MRAP2: variants seen among roughly 807,000 people sequenced by gnomAD.
The protein encoded by MRAP2 is melanocortin 2 receptor accessory protein 2, also known as melanocortin-2 receptor accessory protein 2.
In MRAP2, 20 loss-of-function variants were observed where a neutral mutation model predicts 17.4. That is an observed-to-expected ratio of 1.15 (90% CI 0.81 to 1.67). The LOEUF (loss-of-function observed/expected upper bound fraction) is 1.67. MRAP2 is among the 40% of genes most tolerant of loss of function. The pLI is 0.00. For synonymous variants in MRAP2, 96 were observed against 88.4 expected (o/e 1.09, Z -0.48); for missense variants, 238 against 240.0 (o/e 0.99, Z 0.05).
chr6:84,138,092 A>C, the MRAP2 span, among the ~76,000 whole-genome samples: 1 of 152,210 alleles, frequency 6.6e-6, no homozygotes, highest in African/African-American at 2.4e-5. Flanking sequence ...GGCCTATAAA[A>C]TGTTAAAAAC....
intron 3 of MRAP2, among the ~76,000 whole-genome samples, chr6:84,070,537 TC>T (rs1160603394): frequency 1.3e-5 from 2 of 152,194 alleles, no homozygotes; most frequent in East Asian, 1.9e-4. Flanking sequence ...TGGAGAAAGT[TC>T]CATCCACTGT....
At chr6:84,078,610 G>A (rs1588655631) in intron 3 of MRAP2, among the ~76,000 whole-genome samples, 1 of 152,274 alleles carries the variant, frequency 6.6e-6, no homozygotes, top group East Asian at 1.9e-4. Flanking sequence ...TGGGTTATAG[G>A]GGTGGATCCC....
At chr6:84,110,437 T>G in the MRAP2 span, among the ~76,000 whole-genome samples, 694 of 152,254 alleles carry the variant, frequency 4.6e-3, 8 homozygotes, top group African/African-American at 0.016. Flanking sequence ...TGATGGGGTT[T>G]TTTTTTCTTG....
chr6:84,129,202 T>C, the MRAP2 span, among the ~76,000 whole-genome samples: 1 of 152,210 alleles, frequency 6.6e-6, no homozygotes, highest in Non-Finnish European at 1.5e-5. Context: ...TTTGGGTATA[T>C]ACCCAGTAAT....
chr6:84,092,604 C>T (rs2480199), downstream of MRAP2, among the ~76,000 whole-genome samples: 30,328 of 151,898 alleles, frequency 0.2, 6,237 homozygotes, highest in African/African-American at 0.53. Context: ...ATGATGTGAC[C>T]GACATAAGAT....
At chr6:84,046,062 G>C (rs1000228542) in intron 1 of MRAP2, among the ~76,000 whole-genome samples, 3 of 152,180 alleles carry the variant, frequency 2.0e-5, no homozygotes, top group Admixed American at 1.3e-4. Context: ...GAACCGCCAT[G>C]GAAGTGTCTG....
intron 3 of MRAP2, among the ~76,000 whole-genome samples, chr6:84,079,634 TAACA>T (rs1562889105): frequency 6.6e-6 from 1 of 152,184 alleles, no homozygotes; most frequent in East Asian, 1.9e-4. Flanking sequence ...CAACCCAAAT[TAACA>T]AACAGAGGCT....
the MRAP2 span, among the ~76,000 whole-genome samples, chr6:84,119,537 A>G: frequency 6.6e-6 from 1 of 152,336 alleles, no homozygotes; most frequent in South Asian, 2.1e-4. Context: ...AAGCTCTTAA[A>G]TCATTTATGC....
At chr6:84,144,214 T>C in the MRAP2 span, among the ~76,000 whole-genome samples, 1 of 152,040 alleles carries the variant, frequency 6.6e-6, no homozygotes, top group Admixed American at 6.6e-5. Context: ...TTATTTGACG[T>C]GATAAATTGT....
chr6:84,089,213 A>G lies in MRAP2; in HGVS notation c.350A>G (p.His117Arg), dbSNP rs748003448. ...AACGAGGAGTCCAGGTCTCTCTTTC[A>G]CTGCTACATCAATGAGGTGGAACGC... ...QGNEESRSLF[H>R]CYINEVERLD... is the part of the protein sequence containing the mutation. The change falls in exon 4 of 4, where the codon CAC (histidine) becomes CGC (arginine). Residue 117 changes from histidine to arginine, a missense_variant. By Grantham distance (29) the His-to-Arg change is conservative (BLOSUM62 0). Coordinates refer to ENST00000257776, the MANE Select transcript of MRAP2 (RefSeq NM_138409.4). 9 of 1,614,042 alleles carry G rather than the reference A, an allele frequency of 5.6e-6. No homozygotes were observed. The African/African-American group carries it at 1.2e-4, about 22-fold the overall frequency.
chr6:84,143,758 G>A, the MRAP2 span, among the ~76,000 whole-genome samples: 2 of 151,908 alleles, frequency 1.3e-5, no homozygotes, highest in Non-Finnish European at 2.9e-5. Flanking sequence ...CTAGAAACTG[G>A]TTTTCTCTCT....
chr6:84,110,519 C>T, the MRAP2 span, among the ~76,000 whole-genome samples: 432 of 152,018 alleles, frequency 2.8e-3, 1 homozygote, highest in Middle Eastern at 6.8e-3. Flanking sequence ...AGATTTTCTA[C>T]GATAGATTGC....
At chr6:84,145,336 A>G in the MRAP2 span, among the ~76,000 whole-genome samples, 1 of 152,132 alleles carries the variant, frequency 6.6e-6, no homozygotes, top group Non-Finnish European at 1.5e-5. Context: ...ATCCTTATTA[A>G]AAGTTCCAGC....
intron 3 of MRAP2, 64 bp downstream of exon 3, chr6:84,063,056 C>A (rs1327814556): frequency 1.2e-6 from 2 of 1,606,800 alleles, no homozygotes; most frequent in African/African-American, 2.7e-5. Flanking sequence ...ATAGAAACTA[C>A]TACCCAGGGC....
chr6:84,044,168 TA>T (rs1164706142), intron 1 of MRAP2, among the ~76,000 whole-genome samples: 1 of 152,162 alleles, frequency 6.6e-6, no homozygotes, highest in African/African-American at 2.4e-5. Context: ...CTGGGTAGCT[TA>T]ACCTGCAGGA....
chr6:84,083,856 G>A (rs1033294980), intron 3 of MRAP2, among the ~76,000 whole-genome samples: 1 of 151,960 alleles, frequency 6.6e-6, no homozygotes, highest in African/African-American at 2.4e-5. Context: ...CAAATACATA[G>A]AAGCAGATTC....
chr6:84,064,690 T>C (rs1031568452), intron 3 of MRAP2, among the ~76,000 whole-genome samples: 4 of 152,164 alleles, frequency 2.6e-5, no homozygotes, highest in South Asian at 4.1e-4. Flanking sequence ...GGTTTCACCA[T>C]GTTAGCCAGG....
chr6:84,045,024 A>G (rs1333477432), intron 1 of MRAP2: 1 of 156,190 alleles, frequency 6.4e-6, no homozygotes, highest in African/African-American at 2.4e-5. Flanking sequence ...TTTACATAGC[A>G]TTTATATTGT....
At chr6:84,130,758 A>G in the MRAP2 span, among the ~76,000 whole-genome samples, 2 of 151,276 alleles carry the variant, frequency 1.3e-5, no homozygotes, top group African/African-American at 4.9e-5. Flanking sequence ...TCTCTTCTTT[A>G]TTAATTTGGC....
Sources: allele counts gnomAD v4.1 joint callset (sites outside exome capture counted in the v4.1 genomes callset), GRCh38; gene constraint gnomAD v4.1.1; transcripts MANE v1.5; gene names NCBI Gene and HGNC (gene_info 2026-07-23, HGNC 2026-07-21).